Variants in PIANP observed in about 807,000 individuals in gnomAD.
PIANP encodes PILR alpha-associated neural protein.
A neutral mutation model predicts 28.9 loss-of-function variants in PIANP; 14 were observed. The ratio of observed to expected loss-of-function variants is 0.49; its 90% confidence interval spans 0.32 to 0.76. The LOEUF (loss-of-function observed/expected upper bound fraction) is 0.76, where lower values mean the gene tolerates loss of function less well. Among genes scored for constraint, PIANP ranks in the 30% least tolerant of loss-of-function variants. The pLI is 0.03. For synonymous variants in PIANP, 149 were observed against 156.6 expected (o/e 0.95, Z 0.36); for missense variants, 322 against 371.8 (o/e 0.87, Z 1.10).
Position 6,696,750 on chromosome 12 carries a change from T to C in PIANP, c.524-226A>G, listed in dbSNP as rs980373580. Reference sequence around the variant, plus strand: ...CCCAAATGTATTTCACCAAATCTTATGTGTATATGTGATGAGGATGAGGCC... The same window carrying C: ...CCCAAATGTATTTCACCAAATCTTACGTGTATATGTGATGAGGATGAGGCC... On this transcript the variant is annotated intron_variant, in intron 3 of 4. Transcript: ENST00000534837. The surrounding 1 kb of genome is among the most constrained non-coding windows in gnomAD (Gnocchi z 4.0). 2.0e-5 allele frequency among the ~76,000 whole-genome samples: 3 copies of C among 152,148 alleles called. No homozygotes were observed. Among genetic ancestry groups the C allele is most frequent in the Non-Finnish European group, 2.9e-5 (2 of 68,030 alleles).
Position 6,700,440 on chromosome 12 carries a change from G to A in PIANP, c.-44+174C>T, listed in dbSNP as rs2137716558. On this transcript the variant is annotated intron_variant, in intron 1 of 4. Coordinates refer to ENST00000534837, the MANE Select transcript of PIANP (RefSeq NM_001244014.2). The surrounding 1 kb of genome is among the most constrained non-coding windows in gnomAD (Gnocchi z 5.5). ...CGGCTGCGCCAGGGAGGGCGGGAGC[G>A]AGCCAGGACCGCGGAGGGATGGAGA... 6.6e-6 allele frequency: 1 copy of A among 152,326 alleles called. No individual in the cohort carries two copies. Among genetic ancestry groups the A allele is most frequent in the East Asian group, 1.9e-4 (1 of 5,150 alleles). The allele number at this position is 152,326 out of a possible 1,614,324, so 9.4% of individuals were successfully genotyped here.
Position 6,695,695 on chromosome 12 carries a change from G to GC in PIANP, c.606-45dup, listed in dbSNP as rs745420412. On this transcript the variant is annotated intron_variant, in intron 4 of 4. Coordinates refer to ENST00000534837, the MANE Select transcript of PIANP (RefSeq NM_001244014.2). This position sits in a 1 kb window ranked among gnomAD's most constrained non-coding sequence, Gnocchi z 4.2. ...AGAGGTTCTCTTGCACACTCAAGTAGCCCCCATCCTGGGCCTGCACCAGTG... is the reference window on the plus strand; with the variant it reads ...AGAGGTTCTCTTGCACACTCAAGTAGCCCCCCATCCTGGGCCTGCACCAGTG... 1.4e-6 allele frequency: 2 copies of GC among 1,423,898 alleles called. No individual in the cohort carries two copies. Among genetic ancestry groups the GC allele is most frequent in the Non-Finnish European group, 1.8e-6 (2 of 1,083,106 alleles). The allele number at this position is 1,423,898 out of a possible 1,614,324, so 88.2% of individuals were successfully genotyped here.
At position 6,695,880 on chromosome 12, in the gene PIANP, C is replaced by T. The variant is rs905867726; in HGVS notation, c.606-229G>A. Among the ~76,000 whole-genome samples the T allele has an allele frequency of 3.3e-5, 5 of 152,096 alleles. No homozygotes were observed. Among genetic ancestry groups the T allele is most frequent in the Admixed American group, 1.3e-4 (2 of 15,276 alleles). ...AATCTAAACCTCCTTACCCTCCAAA[C>T]CTGATCCAGATCGACAAAATTAATA... is the stretch of plus-strand genomic sequence containing the variant. On this transcript the variant is annotated intron_variant, in intron 4 of 4. Coordinates refer to ENST00000534837, the MANE Select transcript of PIANP (RefSeq NM_001244014.2). This position sits in a 1 kb window ranked among gnomAD's most constrained non-coding sequence, Gnocchi z 4.2.
At position 6,697,469 on chromosome 12, in the gene PIANP, C is replaced by T. The variant is rs964594946; in HGVS notation, c.341G>A (p.Arg114Gln). Residue 114 changes from arginine to glutamine, a missense_variant, in exon 3 of 5, where the codon CGA becomes CAA. Arg to Gln is a conservative substitution (Grantham distance 43). Coordinates refer to ENST00000534837, the MANE Select transcript of PIANP (RefSeq NM_001244014.2). This position sits in a 1 kb window ranked among gnomAD's most constrained non-coding sequence, Gnocchi z 6.9. ...AGAGTTGGGGTCCCCTCCATCCTCT[C>T]GAGACACGGTGGGACCCCACACGAT... ...WAIVWGPTVSREDGGDPNSAN... is the reference protein window; with the variant it reads ...WAIVWGPTVSQEDGGDPNSAN... 1.2e-5 allele frequency: 20 copies of T among 1,613,902 alleles called. No individual in the cohort carries two copies. In the East Asian group the frequency reaches 1.3e-4, roughly 11 times the overall value.
At position 6,695,287 on chromosome 12, in the gene PIANP, T is replaced by C. The variant is rs1959818057; in HGVS notation, c.*139A>G. The C allele has an allele frequency of 2.0e-5, 28 of 1,409,414 alleles. No homozygotes were observed. In the South Asian group the frequency reaches 4.4e-4, roughly 22 times the overall value. The allele number at this position is 1,409,414 out of a possible 1,614,324, so 87.3% of individuals were successfully genotyped here. On this transcript the variant is annotated 3_prime_UTR_variant, in exon 5 of 5. Transcript: ENST00000534837. This position sits in a 1 kb window ranked among gnomAD's most constrained non-coding sequence, Gnocchi z 4.2. Reference sequence around the variant, plus strand: ...AGGGTGCCTCCCAGAGAGGAGCTGGTCCAGCCCCCTTGGGAGGGCCAGGGG... The same window carrying C: ...AGGGTGCCTCCCAGAGAGGAGCTGGCCCAGCCCCCTTGGGAGGGCCAGGGG...
At position 6,694,926 on chromosome 12, in the gene PIANP, G is replaced by A; in HGVS notation, c.*500C>T. The A allele has an allele frequency of 2.2e-6, 3 of 1,344,006 alleles. No individual in the cohort carries two copies. The highest frequency in any genetic ancestry group is 3.0e-6 in the Non-Finnish European group (3 of 1,001,536). The allele number at this position is 1,344,006 out of a possible 1,614,324, so 83.3% of individuals were successfully genotyped here. ...TCCGGGTGGTGTGCAAGGGGCAGGA[G>A]CCAGGAGCCCCTGTGGCCCCAGCTC... is the stretch of plus-strand genomic sequence containing the variant. On this transcript the variant is annotated 3_prime_UTR_variant, in exon 5 of 5. Coordinates refer to ENST00000534837, the MANE Select transcript of PIANP (RefSeq NM_001244014.2). The surrounding 1 kb of genome is among the most constrained non-coding windows in gnomAD (Gnocchi z 6.1).
At chr12:6,692,402 A>G (rs959589850), downstream of PIANP, among the ~76,000 whole-genome samples, 5 of 152,270 alleles carry the variant, frequency 3.3e-5, no homozygotes, top group Non-Finnish European at 5.9e-5. Flanking sequence ...TTCTGTGCCA[A>G]TGCTTCTCTT....
At position 6,694,935 on chromosome 12, in the gene PIANP, C is replaced by A; in HGVS notation, c.*491G>T. 1 of 1,364,850 alleles carries A rather than the reference C, an allele frequency of 7.3e-7. No individual in the cohort carries two copies. The highest frequency in any genetic ancestry group is 9.8e-7 in the Non-Finnish European group (1 of 1,019,174). 84.5% of individuals were successfully genotyped at this position (1,364,850 alleles called of 1,614,324 possible). ...TGTGCAAGGGGCAGGAGCCAGGAGC[C>A]CCTGTGGCCCCAGCTCCCCACAGCT... is the stretch of plus-strand genomic sequence containing the variant. On this transcript the variant is annotated 3_prime_UTR_variant, in exon 5 of 5. Transcript: ENST00000534837. The surrounding 1 kb of genome is among the most constrained non-coding windows in gnomAD (Gnocchi z 6.1).
At chr12:6,699,657 A>T (rs548004108) in intron 1 of PIANP, among the ~76,000 whole-genome samples, 2 of 148,474 alleles carry the variant, frequency 1.3e-5, no homozygotes, top group Admixed American at 6.8e-5. Flanking sequence ...AGAGGAGTGG[A>T]GAGTAAGGGG....
In PIANP at chr12:6,697,759, G is replaced by A. The variant is rs1363108898; in HGVS notation, c.51C>T (p.Leu17=). The change falls in exon 3 of 5, where the codon CTC becomes CTT. Residue 17 remains leucine, a synonymous_variant. Transcript: ENST00000534837. The surrounding 1 kb of genome is among the most constrained non-coding windows in gnomAD (Gnocchi z 6.9). The stretch of plus-strand genomic sequence containing the variant: ...GGAGGGGCAGCAACAGCAGTGGCCA[G>A]AGAGGGAGGAGGTGGGACAGCAGCA... The part of the protein sequence containing the change: ...PALLLSHLLP[L]WPLLLLPLPP... 6.4e-7 allele frequency: 1 copy of A among 1,554,252 alleles called. No individual in the cohort carries two copies. Among genetic ancestry groups the A allele is most frequent in the Non-Finnish European group, 8.7e-7 (1 of 1,153,338 alleles).
Position 6,698,019 on chromosome 12 carries a change from G to C in PIANP, c.17+26C>G, listed in dbSNP as rs775390516. The C allele has an allele frequency of 2.6e-6, 4 of 1,555,784 alleles. No individual in the cohort carries two copies. In the South Asian group the frequency reaches 4.7e-5, roughly 18 times the overall value. On this transcript the variant is annotated intron_variant, in intron 2 of 4. Coordinates refer to ENST00000534837, the MANE Select transcript of PIANP (RefSeq NM_001244014.2). ...ATGGCCCCAGGGAATGTGGTCTCCA[G>C]GCTCCCTCTGCTGGGCCAAACTTAC...
chr12:6,692,763 T>G (rs1334496063), downstream of PIANP, among the ~76,000 whole-genome samples: 1 of 152,188 alleles, frequency 6.6e-6, no homozygotes, highest in Non-Finnish European at 1.5e-5. Flanking sequence ...GCTCTAATCC[T>G]GAGAAATACA....
At position 6,697,378 on chromosome 12, in the gene PIANP, G is replaced by A. The variant is rs1959899063; in HGVS notation, c.432C>T (p.Asn144=). 2 of 1,614,080 alleles carry A rather than the reference G, an allele frequency of 1.2e-6. No individual in the cohort carries two copies. The highest frequency in any genetic ancestry group is 1.6e-4 in the Middle Eastern group (1 of 6,062). Reference sequence around the variant, plus strand: ...CTCCATCACCTCGCATGGAGTCTGAGTTGGGGTGTGGGGTTGCGAGCCCAT... The same window carrying A: ...CTCCATCACCTCGCATGGAGTCTGAATTGGGGTGTGGGGTTGCGAGCCCAT... The part of the protein sequence containing the change: ...APHGLATPHP[N]SDSMRGDGDG... Residue 144 remains asparagine, a synonymous_variant, in exon 3 of 5, where the codon AAC becomes AAT. Coordinates refer to ENST00000534837, the MANE Select transcript of PIANP (RefSeq NM_001244014.2). This position sits in a 1 kb window ranked among gnomAD's most constrained non-coding sequence, Gnocchi z 6.9.
Position 6,697,610 on chromosome 12 carries a change from G to C in PIANP, c.200C>G (p.Pro67Arg). 6.4e-7 allele frequency: 1 copy of C among 1,570,600 alleles called. No individual in the cohort carries two copies. Among genetic ancestry groups the C allele is most frequent in the African/African-American group, 1.4e-5 (1 of 74,004 alleles). Reference protein sequence around the residue: ...HVCVWERAPPPSRSPRVPRSR... With the variant: ...HVCVWERAPPRSRSPRVPRSR... ...TCTTGGGACCCGAGGAGATCGGCTT[G>C]GTGGAGGTGCTCGCTCCCACACGCA... The change falls in exon 3 of 5, where the codon CCA (proline) becomes CGA (arginine). Residue 67 changes from proline (P) to arginine (R), a missense_variant. Physicochemically the swap from Pro to Arg is moderately radical, Grantham distance 103. Transcript: ENST00000534837. The surrounding 1 kb of genome is among the most constrained non-coding windows in gnomAD (Gnocchi z 6.9).
rs2137703078 is a variant in PIANP at position 6,694,979 on chromosome 12, T to C, written c.*447A>G. On this transcript the variant is annotated 3_prime_UTR_variant, in exon 5 of 5. Transcript: ENST00000534837. The surrounding 1 kb of genome is among the most constrained non-coding windows in gnomAD (Gnocchi z 6.1). ...CACAGCTGCCCCACCCTCAGTGGGA[T>C]GGGGGCTGTGCCGGCCCCTTGGCCT... is the stretch of plus-strand genomic sequence containing the variant. The C allele has an allele frequency of 6.6e-7, 1 of 1,516,872 alleles. No individual in the cohort carries two copies. The highest frequency in any genetic ancestry group is 8.9e-7 in the Non-Finnish European group (1 of 1,127,798). 94.0% of individuals were successfully genotyped at this position (1,516,872 alleles called of 1,614,324 possible). A position where few individuals can be genotyped will look rare whatever the true frequency, so the allele number is the denominator to read the frequency against.
chr12:6,694,934 C>A lies in PIANP; in HGVS notation c.*492G>T. The A allele has an allele frequency of 7.3e-7, 1 of 1,373,760 alleles. No homozygotes were observed. The highest frequency in any genetic ancestry group is 9.7e-7 in the Non-Finnish European group (1 of 1,027,922). The allele number at this position is 1,373,760 out of a possible 1,614,324, so 85.1% of individuals were successfully genotyped here. On this transcript the variant is annotated 3_prime_UTR_variant, in exon 5 of 5. Coordinates refer to ENST00000534837, the MANE Select transcript of PIANP (RefSeq NM_001244014.2). The surrounding 1 kb of genome is among the most constrained non-coding windows in gnomAD (Gnocchi z 6.1). The stretch of plus-strand genomic sequence containing the variant: ...GTGTGCAAGGGGCAGGAGCCAGGAG[C>A]CCCTGTGGCCCCAGCTCCCCACAGC...
intron 1 of PIANP, chr12:6,699,784 G>C (rs945421929): frequency 3.3e-5 from 5 of 152,622 alleles, no homozygotes; most frequent in Admixed American, 1.3e-4. Flanking sequence ...GGCGGGAGCA[G>C]CAAAGATGGA....
Position 6,700,410 on chromosome 12 carries a change from G to C in PIANP, c.-44+204C>G, listed in dbSNP as rs528387855. 1.3e-5 allele frequency: 2 copies of C among 152,584 alleles called. No homozygotes were observed. The highest frequency in any genetic ancestry group is 4.1e-4 in the South Asian group (2 of 4,840). The allele number at this position is 152,584 out of a possible 1,614,324, so 9.5% of individuals were successfully genotyped here. ...GCGGGATGGAGGCAGCCGCGGGGAC[G>C]GGGACGGCTGCGCCAGGGAGGGCGG... is the stretch of plus-strand genomic sequence containing the variant. On this transcript the variant is annotated intron_variant, in intron 1 of 4. Coordinates refer to ENST00000534837, the MANE Select transcript of PIANP (RefSeq NM_001244014.2). This position sits in a 1 kb window ranked among gnomAD's most constrained non-coding sequence, Gnocchi z 5.5.
In PIANP at chr12:6,694,246, G is replaced by A. The variant is rs539581486; in HGVS notation, c.*1180C>T. The A allele has an allele frequency of 2.0e-5, 3 of 153,280 alleles. No individual in the cohort carries two copies. The highest frequency in any genetic ancestry group is 2.9e-5 in the Non-Finnish European group (2 of 68,130). The allele number at this position is 153,280 out of a possible 1,614,324, so 9.5% of individuals were successfully genotyped here. On this transcript the variant is annotated 3_prime_UTR_variant, in exon 5 of 5. Coordinates refer to ENST00000534837, the MANE Select transcript of PIANP (RefSeq NM_001244014.2). This position sits in a 1 kb window ranked among gnomAD's most constrained non-coding sequence, Gnocchi z 6.1. ...AGACAAAAGGGACTGTAGGAGAAAG[G>A]GAAGGGCAAATGGGAGTCCCTTTCT... is the stretch of plus-strand genomic sequence containing the variant.
Sources: gnomAD v4.1 joint callset for allele counts (sites outside exome capture counted in the v4.1 genomes callset) on GRCh38, gnomAD v4.1.1 for gene constraint, Gnocchi (gnomAD v3.1) non-coding constraint, MANE v1.5 for transcripts, NCBI Gene and HGNC (gene_info 2026-07-23, HGNC 2026-07-21) for gene names.